The following IFTAP variants were observed in gnomAD, a reference collection of about 807,000 sequenced individuals.
IFTAP encodes the protein intraflagellar transport-associated protein.
In IFTAP, 19 loss-of-function variants were observed where a neutral mutation model predicts 19.4. That is an observed-to-expected ratio of 0.98 (90% CI 0.68 to 1.44). IFTAP has a LOEUF of 1.44. IFTAP is among the 40% of genes most tolerant of loss of function. The pLI is 0.00. For synonymous variants in IFTAP, 85 were observed against 83.5 expected, an observed-to-expected ratio of 1.02 and a Z score of -0.10; for missense variants, 240 against 253.6, an observed-to-expected ratio of 0.95 and a Z score of 0.36.
In IFTAP at chr11:36,622,083, A is replaced by ATTTTTTTTTTTT. The variant is rs199873596; in HGVS notation, c.137-11195_137-11194insTTTTTTTTTTTT. Among the ~76,000 whole-genome samples the ATTTTTTTTTTTT allele has an allele frequency of 3.0e-4, 42 of 138,176 alleles. 1 individual carries two copies. Among genetic ancestry groups the ATTTTTTTTTTTT allele is most frequent in the African/African-American group, 4.5e-4 (16 of 35,748 alleles). The allele number at this position is 138,176 out of a possible 152,430, so 90.6% of individuals were successfully genotyped here. A position where few individuals can be genotyped will look rare whatever the true frequency, so the allele number is the denominator to read the frequency against. ...TTATTTTACTTTAAGCTCTTGTTCTATTTTTTATTTTTTTTTTTGTGAAGG... is the reference window on the plus strand; with the variant it reads ...TTATTTTACTTTAAGCTCTTGTTCTATTTTTTTTTTTTTTTTTTATTTTTTTTTTTGTGAAGG... On this transcript the variant is annotated intron_variant, in intron 2 of 5. Transcript: ENST00000334307.
rs1363003254 is a variant in IFTAP at position 36,659,110 on chromosome 11, T to G, written c.590T>G (p.Ile197Arg). The stretch of plus-strand genomic sequence containing the variant: ...ACCTCCAAGTTTAGTCCTGCAGAGA[T>G]AGAGAACATCAAAGAGCTATGCAAG... ...MLTSKFSPAE[I>R]ENIKELCKQQ... The change falls in exon 6 of 6, where the codon ATA becomes AGA. Residue 197 changes from isoleucine to arginine, a missense_variant. Coordinates refer to ENST00000334307, the MANE Select transcript of IFTAP (RefSeq NM_138787.4). 1 of 1,610,398 alleles carries G rather than the reference T, an allele frequency of 6.2e-7. No individual in the cohort carries two copies. The highest frequency in any genetic ancestry group is 8.5e-7 in the Non-Finnish European group (1 of 1,178,206).
chr11:36,648,587 T>G (rs1853585750), intron 5 of IFTAP, among the ~76,000 whole-genome samples: 1 of 152,156 alleles, frequency 6.6e-6, no homozygotes, highest in South Asian at 2.1e-4. Flanking sequence ...GATGTTTATT[T>G]CTCTTATTTA....
intron 3 of IFTAP, among the ~76,000 whole-genome samples, chr11:36,634,191 A>G (rs1852846726): frequency 6.6e-6 from 1 of 152,122 alleles, no homozygotes; most frequent in Non-Finnish European, 1.5e-5. Context: ...ATGACTGACC[A>G]TTGGGATTAT....
intron 4 of IFTAP, among the ~76,000 whole-genome samples, chr11:36,642,309 A>G (rs1853249022): frequency 6.6e-6 from 1 of 152,222 alleles, no homozygotes; most frequent in Non-Finnish European, 1.5e-5. Flanking sequence ...TAAACCAGGA[A>G]GAAGTCGAAT....
intron 1 of IFTAP, among the ~76,000 whole-genome samples, chr11:36,606,853 C>A (rs935474802): frequency 1.3e-5 from 2 of 152,192 alleles, no homozygotes; most frequent in African/African-American, 4.8e-5. Context: ...AAGTATACAT[C>A]CTACTGTAGT....
At chr11:36,625,172 G>GT (rs2133427816) in intron 2 of IFTAP, among the ~76,000 whole-genome samples, 1 of 152,120 alleles carries the variant, frequency 6.6e-6, no homozygotes, top group South Asian at 2.1e-4. Flanking sequence ...CTGAGCTTCA[G>GT]TTTTATCATG....
chr11:36,644,202 A>C (rs1853365086), intron 4 of IFTAP, among the ~76,000 whole-genome samples: 1 of 152,242 alleles, frequency 6.6e-6, no homozygotes, highest in African/African-American at 2.4e-5. Flanking sequence ...ATGAACAGAC[A>C]CTTCTCAAAA....
At chr11:36,599,133 A>G (rs1283837691) in intron 1 of IFTAP, among the ~76,000 whole-genome samples, 1 of 152,162 alleles carries the variant, frequency 6.6e-6, no homozygotes, top group Non-Finnish European at 1.5e-5. Flanking sequence ...AGCTGGGATT[A>G]CAGGCACACG....
chr11:36,657,767 G>A (rs1467934384), intron 5 of IFTAP, among the ~76,000 whole-genome samples: 1 of 152,180 alleles, frequency 6.6e-6, no homozygotes, highest in Non-Finnish European at 1.5e-5. Flanking sequence ...ATGCCACGTG[G>A]TTCCTAGTAT....
At chr11:36,618,460 G>T (rs994901698) in intron 2 of IFTAP, among the ~76,000 whole-genome samples, 5 of 152,162 alleles carry the variant, frequency 3.3e-5, no homozygotes, top group African/African-American at 1.2e-4. Flanking sequence ...GTCTTCTCTA[G>T]AGTATCATCA....
intron 5 of IFTAP, among the ~76,000 whole-genome samples, chr11:36,648,612 C>A (rs1853586347): frequency 6.6e-6 from 1 of 152,106 alleles, no homozygotes; most frequent in African/African-American, 2.4e-5. Context: ...CTATATAGAG[C>A]CCTTAAAATG....
intron 2 of IFTAP, among the ~76,000 whole-genome samples, chr11:36,617,549 T>C (rs1353715): frequency 0.015 from 2,354 of 152,040 alleles, 95 homozygotes; most frequent in Admixed American, 0.097. Flanking sequence ...GAACCACTGA[T>C]TTAGGCTACA....
intron 2 of IFTAP, among the ~76,000 whole-genome samples, chr11:36,625,434 C>T (rs1852473607): frequency 6.6e-6 from 1 of 152,102 alleles, no homozygotes; most frequent in South Asian, 2.1e-4. Flanking sequence ...TAAGAAGTAA[C>T]TTGCTTTTTC....
intron 4 of IFTAP, among the ~76,000 whole-genome samples, chr11:36,636,624 A>G (rs2133467115): frequency 6.6e-6 from 1 of 152,346 alleles, no homozygotes; most frequent in South Asian, 2.1e-4. Flanking sequence ...AATAAGATGC[A>G]AAGCCTAGGC....
chr11:36,627,129 A>G (rs1372528711), intron 2 of IFTAP, among the ~76,000 whole-genome samples: 1 of 151,308 alleles, frequency 6.6e-6, no homozygotes, highest in Non-Finnish European at 1.5e-5. Context: ...AATATCTAGA[A>G]GAGATAAATA....
intron 3 of IFTAP, among the ~76,000 whole-genome samples, chr11:36,634,105 T>C (rs900724639): frequency 2.0e-5 from 3 of 152,122 alleles, no homozygotes; most frequent in Non-Finnish European, 4.4e-5. Context: ...AGCAGATGCC[T>C]ATAATTCTTT....
chr11:36,628,676 A>G (rs1004054934), intron 2 of IFTAP, among the ~76,000 whole-genome samples: 4 of 151,410 alleles, frequency 2.6e-5, no homozygotes, highest in Admixed American at 2.0e-4. Flanking sequence ...CTGTCTGAAA[A>G]TAAGCTTTCA....
At chr11:36,600,073 G>C (rs1016974962) in intron 1 of IFTAP, among the ~76,000 whole-genome samples, 1 of 152,170 alleles carries the variant, frequency 6.6e-6, no homozygotes, top group South Asian at 2.1e-4. Context: ...ATTTGAAAAT[G>C]GGTTTTAAGA....
chr11:36,657,048 G>A (rs555932122), intron 5 of IFTAP, among the ~76,000 whole-genome samples: 22 of 152,248 alleles, frequency 1.4e-4, no homozygotes, highest in Admixed American at 7.9e-4. Context: ...TGCAGGTATA[G>A]GCAGCTTGAA....
Sources: gnomAD v4.1 joint callset for allele counts (sites outside exome capture counted in the v4.1 genomes callset) on GRCh38, gnomAD v4.1.1 for gene constraint, MANE v1.5 for transcripts, NCBI Gene and HGNC (gene_info 2026-07-23, HGNC 2026-07-21) for gene names.